The following IARS2 variants were observed in gnomAD, a reference collection of about 807,000 sequenced individuals.
The protein encoded by IARS2 is isoleucine--tRNA ligase, mitochondrial.
IARS2 carries 56 observed loss-of-function variants against 126.3 expected under a neutral mutation model. The observed-to-expected ratio is 0.44, with a 90% confidence interval of 0.36 to 0.55. IARS2 has a LOEUF of 0.55. Among genes scored for constraint, IARS2 ranks in the 20% least tolerant of loss-of-function variants. IARS2 has a pLI of 0.00. For synonymous variants in IARS2, 407 were observed against 441.1 expected (o/e 0.92, Z 0.97); for missense variants, 1,127 against 1,245.9 (o/e 0.90, Z 1.44).
rs531948757 is a variant in IARS2, at chr1:220,140,376, C to G, written c.2414+87C>G. ...ATCCCAGCACTTTGGGAGGCCGAGG[C>G]GGGTGGATGACATGAGGCCAGGAGT... On this transcript the variant is annotated intron_variant, in intron 19 of 22. Transcript: ENST00000366922. 10 of 782,928 alleles carry G rather than the reference C, an allele frequency of 1.3e-5. No individual in the cohort carries two copies. The African/African-American group carries it at 1.6e-4, about 12-fold the overall frequency. 48.5% of individuals were successfully genotyped at this position (782,928 alleles called of 1,614,324 possible).
intron 2 of IARS2, among the ~76,000 whole-genome samples, chr1:220,098,347 T>A (rs1017875389): frequency 1.3e-5 from 2 of 152,224 alleles, no homozygotes; most frequent in Non-Finnish European, 2.9e-5. Context: ...CTTCCTAGAA[T>A]GCATCACCAG....
At position 220,148,028 on chromosome 1, in the gene IARS2, A is replaced by G. The variant is rs926369181; in HGVS notation, c.*393A>G. The G allele has an allele frequency of 1.2e-4, 44 of 374,210 alleles. No homozygotes were observed. Among genetic ancestry groups the G allele is most frequent in the Non-Finnish European group, 1.4e-5 (3 of 209,968 alleles). 23.2% of individuals were successfully genotyped at this position (374,210 alleles called of 1,614,324 possible). A position where few individuals can be genotyped will look rare whatever the true frequency, so the allele number is the denominator to read the frequency against. ...ATTCTATGATACTGAAAATAAAGGC[A>G]TTCTGGAAAAATACTGACTGATTTT... On this transcript the variant is annotated 3_prime_UTR_variant, in exon 23 of 23. Transcript: ENST00000366922.
Position 220,102,607 on chromosome 1 carries a change from A to C in IARS2, c.859+3A>C. ...TCCAAAATTGGCATCTCTTATAGGT[A>C]AGATTTATTCATAGCTTGAGTGTAC... On this transcript the variant is annotated splice_donor_region_variant and intron_variant, in intron 6 of 22. Coordinates refer to ENST00000366922, the MANE Select transcript of IARS2 (RefSeq NM_018060.4). The C allele has an allele frequency of 6.2e-7, 1 of 1,601,000 alleles. No individual in the cohort carries two copies. The highest frequency in any genetic ancestry group is 8.6e-7 in the Non-Finnish European group (1 of 1,168,210).
chr1:220,112,555 CTTT>C (rs750583631), intron 11 of IARS2, among the ~76,000 whole-genome samples: 17 of 116,096 alleles, frequency 1.5e-4, no homozygotes, highest in Middle Eastern at 4.8e-3. Flanking sequence ...AAGATAAGCT[CTTT>C]TTTTTTTTTT....
At chr1:220,099,211 CAAAAAA>C (rs1184799314) in intron 2 of IARS2, among the ~76,000 whole-genome samples, 1 of 49,262 alleles carries the variant, frequency 2.0e-5, no homozygotes, top group Non-Finnish European at 4.3e-5. Context: ...GACTCCGTCT[CAAAAAA>C]AAAAAAAAAA....
intron 19 of IARS2, among the ~76,000 whole-genome samples, 185 bp downstream of exon 19, chr1:220,140,474 G>C (rs113142024): frequency 1.3e-5 from 2 of 152,140 alleles, no homozygotes; most frequent in African/African-American, 4.8e-5. Context: ...AGTCACTCAG[G>C]AGACTGAGGC....
chr1:220,108,479 T>C (rs61018457), intron 10 of IARS2, among the ~76,000 whole-genome samples: 19,628 of 151,976 alleles, frequency 0.13, 1,367 homozygotes, highest in South Asian at 0.2. Flanking sequence ...CTCTGCCTCC[T>C]GGGTTCATGG....
intron 11 of IARS2, among the ~76,000 whole-genome samples, chr1:220,112,686 G>A (rs1163834261): frequency 1.3e-5 from 2 of 148,486 alleles, no homozygotes; most frequent in African/African-American, 5.0e-5. Flanking sequence ...AGCCTCCTGA[G>A]TAACTGGGAC....
intron 12 of IARS2, chr1:220,117,830 G>A (rs367675841): frequency 7.0e-5 from 36 of 517,292 alleles, no homozygotes; most frequent in East Asian, 2.2e-4. Flanking sequence ...CGTTGGTTGC[G>A]TGGTGTTAGT....
At chr1:220,138,183 C>CA in intron 17 of IARS2, 140 bp downstream of exon 17, 2 of 988,072 alleles carry the variant, frequency 2.0e-6, no homozygotes, top group Non-Finnish European at 3.0e-6. Context: ...TTAAGAATCT[C>CA]CTGTGTTGGC....
At chr1:220,130,643 C>T (rs892980357) in intron 14 of IARS2, among the ~76,000 whole-genome samples, 8 of 152,058 alleles carry the variant, frequency 5.3e-5, no homozygotes, top group African/African-American at 1.4e-4. Context: ...CTGCAAGCTC[C>T]GCCTCCTGGG....
chr1:220,102,909 T>C (rs1656607334), intron 7 of IARS2, 132 bp downstream of exon 7: 1 of 636,532 alleles, frequency 1.6e-6, no homozygotes, highest in Non-Finnish European at 2.7e-6. Context: ...ATTATGTTCA[T>C]ATAGATTTTA....
intron 14 of IARS2, 63 bp downstream of exon 14, chr1:220,126,906 G>A: frequency 8.6e-7 from 1 of 1,158,884 alleles, no homozygotes; most frequent in Non-Finnish European, 1.3e-6. Context: ...TTGGTATTTA[G>A]AAGGGATCTA....
rs1656678025 is a variant in IARS2 at position 220,106,192 on chromosome 1, G to A, written c.1236+132G>A. On this transcript the variant is annotated intron_variant, in intron 9 of 22. Coordinates refer to ENST00000366922, the MANE Select transcript of IARS2 (RefSeq NM_018060.4). ...ATTGTGAAATGCTCAGGTTTGTGTA[G>A]TACTCTAAAGTTTCATTAATTCGTA... The A allele has an allele frequency of 4.7e-6, 3 of 639,068 alleles. No homozygotes were observed. The Admixed American group carries it at 9.7e-5, about 21-fold the overall frequency. The allele number at this position is 639,068 out of a possible 1,614,324, so 39.6% of individuals were successfully genotyped here. A position where few individuals can be genotyped will look rare whatever the true frequency, so the allele number is the denominator to read the frequency against.
Position 220,094,166 on chromosome 1 carries a change from C to T in IARS2, c.-51C>T, listed in dbSNP as rs370610243. 20 of 1,496,930 alleles carry T rather than the reference C, an allele frequency of 1.3e-5. No individual in the cohort carries two copies. Among genetic ancestry groups the T allele is most frequent in the East Asian group, 4.7e-5 (2 of 42,162 alleles). 92.7% of individuals were successfully genotyped at this position (1,496,930 alleles called of 1,614,324 possible). A position where few individuals can be genotyped will look rare whatever the true frequency, so the allele number is the denominator to read the frequency against. On this transcript the variant is annotated 5_prime_UTR_variant, in exon 1 of 23. Transcript: ENST00000366922. ...CCCTTGGTTTCCTGGGGTCCTGCCCCTTCAAGCTGGGGCGGGAGCGGAGGA... is the reference window on the plus strand; with the variant it reads ...CCCTTGGTTTCCTGGGGTCCTGCCCTTTCAAGCTGGGGCGGGAGCGGAGGA...
intron 14 of IARS2, among the ~76,000 whole-genome samples, chr1:220,131,207 C>T (rs188042318): frequency 4.3e-4 from 66 of 152,148 alleles, no homozygotes; most frequent in East Asian, 2.3e-3. Context: ...GACAGAGTCT[C>T]GCTGTGTCGC....
intron 13 of IARS2, 105 bp downstream of exon 13, chr1:220,125,444 A>G: frequency 1.5e-6 from 1 of 681,780 alleles, no homozygotes; most frequent in Non-Finnish European, 2.5e-6. Flanking sequence ...AAAGTTAACA[A>G]ATTTATTTAC....
intron 3 of IARS2, among the ~76,000 whole-genome samples, chr1:220,101,267 A>T (rs373053613): frequency 2.2e-4 from 34 of 152,264 alleles, no homozygotes; most frequent in African/African-American, 8.2e-4. Flanking sequence ...TGTCCTAAAT[A>T]TGAGGTCATT....
chr1:220,144,795 TGGA>T (rs945687367), intron 21 of IARS2, among the ~76,000 whole-genome samples: 1 of 152,208 alleles, frequency 6.6e-6, no homozygotes, highest in Non-Finnish European at 1.5e-5. Context: ...AGCTGTAAGA[TGGA>T]GTCCTGGTTC....
Sources: allele counts gnomAD v4.1 joint callset (sites outside exome capture counted in the v4.1 genomes callset), GRCh38; gene constraint gnomAD v4.1.1; transcripts MANE v1.5; gene names NCBI Gene and HGNC (gene_info 2026-07-23, HGNC 2026-07-21).